Variants in TBC1D15 observed in about 807,000 individuals in gnomAD.
The protein encoded by TBC1D15 is TBC1 domain family member 15.
In TBC1D15, 39 loss-of-function variants were observed where a neutral mutation model predicts 95.4. That is an observed-to-expected ratio of 0.41 (90% CI 0.32 to 0.53). The LOEUF is 0.53. Among genes scored for constraint, TBC1D15 ranks in the 20% least tolerant of loss-of-function variants. TBC1D15 has a pLI of 0.29. For missense variants in TBC1D15, 733 were observed against 794.3 expected (o/e 0.92, Z 0.93); for synonymous variants, 258 against 261.3 (o/e 0.99, Z 0.12).
At chr12:71,861,327 T>G in intron 1 of TBC1D15, 10 of 592,290 alleles carry the variant, frequency 1.7e-5, no homozygotes, top group African/African-American at 3.9e-5. Flanking sequence ...AGTGAAGCCA[T>G]TGGGTTTTGG....
intron 1 of TBC1D15, among the ~76,000 whole-genome samples, chr12:71,846,231 T>A (rs898468214): frequency 6.6e-6 from 1 of 152,224 alleles, no homozygotes; most frequent in Admixed American, 6.5e-5. Context: ...TCTGTTGCTT[T>A]CAGCAGGCCA....
chr12:71,909,599 A>G (rs961649361), intron 11 of TBC1D15, among the ~76,000 whole-genome samples: 12 of 152,066 alleles, frequency 7.9e-5, no homozygotes, highest in African/African-American at 2.4e-4. Flanking sequence ...GATCCTCAAG[A>G]TTTTTGTTTT....
At chr12:71,876,774 A>C (rs1416738726) in intron 3 of TBC1D15, among the ~76,000 whole-genome samples, 1 of 148,908 alleles carries the variant, frequency 6.7e-6, no homozygotes, top group African/African-American at 2.5e-5. Flanking sequence ...TTTGAAAGTA[A>C]ATTTTCCCGT....
intron 10 of TBC1D15, among the ~76,000 whole-genome samples, chr12:71,903,541 C>T (rs1297312266): frequency 1.3e-5 from 2 of 152,190 alleles, no homozygotes; most frequent in Non-Finnish European, 2.9e-5. Flanking sequence ...GGGTATAAAT[C>T]GTTCTACCAC....
intron 1 of TBC1D15, among the ~76,000 whole-genome samples, chr12:71,857,665 ATATT>A (rs1402538727): frequency 2.7e-4 from 41 of 152,350 alleles, no homozygotes; most frequent in African/African-American, 9.9e-4. Flanking sequence ...AAATCTTAGT[ATATT>A]TATCACTTAG....
At chr12:71,843,965 C>T (rs1419513589) in intron 1 of TBC1D15, among the ~76,000 whole-genome samples, 1 of 152,124 alleles carries the variant, frequency 6.6e-6, no homozygotes, top group Non-Finnish European at 1.5e-5. Context: ...CTCATTAACA[C>T]ATCCCAAATA....
intron 1 of TBC1D15, among the ~76,000 whole-genome samples, chr12:71,855,639 G>C (rs1397444550): frequency 1.5e-5 from 2 of 129,610 alleles, no homozygotes; most frequent in Non-Finnish European, 3.1e-5. Flanking sequence ...CTGCACTCCA[G>C]CCTGGGTGAC....
chr12:71,913,762 C>T (rs1592825478), intron 11 of TBC1D15, 64 bp from the exon 12 acceptor site: 1 of 1,124,762 alleles, frequency 8.9e-7, no homozygotes, highest in East Asian at 2.7e-5. Context: ...TGGTGATATG[C>T]ACAACTTGCA....
chr12:71,858,827 G>A (rs1221419650), intron 1 of TBC1D15, among the ~76,000 whole-genome samples: 3 of 152,008 alleles, frequency 2.0e-5, no homozygotes, highest in Non-Finnish European at 4.4e-5. Context: ...AAAGTGTTGG[G>A]ATTACAGGCT....
At position 71,913,829 on chromosome 12, in the gene TBC1D15, A is replaced by G. The variant is rs1481028847; in HGVS notation, c.1304A>G (p.Tyr435Cys). 14 of 1,562,380 alleles carry G rather than the reference A, an allele frequency of 9.0e-6. No homozygotes were observed. ...TGATTTTTTCTTTTCTTTTTAGGAT[A>G]TGTTCAAGGAATGAGTGATTTACTT... ...TYCMYDFDLGYVQGMSDLLSP... is the reference protein window; with the variant it reads ...TYCMYDFDLGCVQGMSDLLSP... The change falls in exon 12 of 17, where the codon TAT (tyrosine) becomes TGT (cysteine). Residue 435 changes from tyrosine (Y) to cysteine (C), a missense_variant. Transcript: ENST00000485960.
At chr12:71,853,160 A>G (rs904612545) in intron 1 of TBC1D15, among the ~76,000 whole-genome samples, 1 of 152,184 alleles carries the variant, frequency 6.6e-6, no homozygotes, top group Non-Finnish European at 1.5e-5. Flanking sequence ...ACTTACAATC[A>G]TGGCGGAAGG....
intron 1 of TBC1D15, chr12:71,849,512 G>A: frequency 1.3e-6 from 1 of 754,560 alleles, no homozygotes; most frequent in Non-Finnish European, 2.4e-6. Context: ...AAAGAGAGAA[G>A]GTTCTTATGG....
Position 71,913,913 on chromosome 12 carries a change from A to G in TBC1D15, c.1388A>G (p.Tyr463Cys), listed in dbSNP as rs770157934. The G allele has an allele frequency of 1.3e-6, 2 of 1,590,692 alleles. No individual in the cohort carries two copies. Among genetic ancestry groups the G allele is most frequent in the Admixed American group, 3.7e-5 (2 of 54,508 alleles). ...EVDAFWCFAS[Y>C]MDQMHQNFEE... is the part of the protein sequence containing the mutation. ...GATGCCTTTTGGTGCTTTGCCTCTT[A>G]CATGGACCAAATGGTAAGAACAGAG... The change falls in exon 12 of 17, where the codon TAC (tyrosine) becomes TGC (cysteine). Residue 463 changes from tyrosine (Y) to cysteine (C), a missense_variant. By Grantham distance (194) the Tyr-to-Cys change is radical. Transcript: ENST00000485960.
At position 71,880,359 on chromosome 12, in the gene TBC1D15, A is replaced by T. The variant is rs910238045; in HGVS notation, c.205-110A>T. 5.6e-5 allele frequency: 45 copies of T among 810,810 alleles called. No individual in the cohort carries two copies. The South Asian group carries it at 8.6e-4, about 16-fold the overall frequency. The allele number at this position is 810,810 out of a possible 1,614,324, so 50.2% of individuals were successfully genotyped here. ...ATAGGAAATGGTGTTCAGTTTTCCC[A>T]CCAGTGATGTCGTCTGCAGCCTGCC... On this transcript the variant is annotated intron_variant, in intron 3 of 16. Transcript: ENST00000485960.
intron 5 of TBC1D15, 143 bp from the exon 6 acceptor site, chr12:71,893,079 A>G (rs537990037): frequency 4.1e-6 from 2 of 489,246 alleles, no homozygotes; most frequent in African/African-American, 4.1e-5. Context: ...GTTACTAAAT[A>G]TTTGCTAATG....
intron 1 of TBC1D15, among the ~76,000 whole-genome samples, chr12:71,853,857 C>T (rs1218292817): frequency 6.6e-6 from 1 of 152,196 alleles, no homozygotes; most frequent in Non-Finnish European, 1.5e-5. Context: ...AGATTTCCCA[C>T]TCTGACTGGT....
intron 10 of TBC1D15, among the ~76,000 whole-genome samples, chr12:71,902,892 T>TA (rs1899753430): frequency 6.6e-6 from 1 of 151,594 alleles, no homozygotes; most frequent in African/African-American, 2.4e-5. Context: ...ACAACCCCAT[T>TA]AAAAAATGGG....
At chr12:71,883,845 A>T (rs1013858029) in intron 4 of TBC1D15, among the ~76,000 whole-genome samples, 3 of 152,194 alleles carry the variant, frequency 2.0e-5, no homozygotes, top group African/African-American at 7.2e-5. Flanking sequence ...GTGAATTATA[A>T]GAACTAGCAT....
At chr12:71,882,870 G>A (rs6582062) in intron 4 of TBC1D15, among the ~76,000 whole-genome samples, 8,823 of 152,030 alleles carry the variant, frequency 0.058, 357 homozygotes, top group South Asian at 0.15. Flanking sequence ...ATATTTCTTC[G>A]TCACAGCTTT....
Sources: gnomAD v4.1 joint callset for allele counts (sites outside exome capture counted in the v4.1 genomes callset) on GRCh38, gnomAD v4.1.1 for gene constraint, MANE v1.5 for transcripts, NCBI Gene and HGNC (gene_info 2026-07-23, HGNC 2026-07-21) for gene names.